SORCS1: variants seen among roughly 807,000 people sequenced by gnomAD.
The protein encoded by SORCS1 is sortilin related VPS10 domain containing receptor 1.
A neutral mutation model predicts 146.1 loss-of-function variants in SORCS1; 60 were observed. The observed-to-expected ratio is 0.41, with a 90% CI of 0.33 to 0.51. SORCS1 has a LOEUF of 0.51. Among genes scored for constraint, SORCS1 ranks in the 20% least tolerant of loss-of-function variants. SORCS1 has a pLI of 0.21. For synonymous variants in SORCS1, 637 were observed against 584.0 expected (o/e 1.09, Z -1.31); for missense variants, 1,352 against 1,487.6 (o/e 0.91, Z 1.50).
At chr10:107,064,367 A>G (rs562451531) in intron 1 of SORCS1, among the ~76,000 whole-genome samples, 1 of 152,274 alleles carries the variant, frequency 6.6e-6, no homozygotes, top group Non-Finnish European at 1.5e-5. Flanking sequence ...CAACAACCTG[A>G]CACTCAAAGA....
intron 1 of SORCS1, among the ~76,000 whole-genome samples, chr10:107,045,521 G>C (rs947417019): frequency 8.5e-5 from 13 of 152,130 alleles, no homozygotes; most frequent in African/African-American, 3.1e-4. Flanking sequence ...TGGACAACTT[G>C]GGCCCAGCCA....
intron 1 of SORCS1, among the ~76,000 whole-genome samples, chr10:107,093,874 T>C (rs903596503): frequency 5.3e-5 from 8 of 152,136 alleles, no homozygotes; most frequent in African/African-American, 9.7e-5. Context: ...TGTAACTTTA[T>C]CTTCTTGCTC....
At chr10:106,808,531 G>C (rs1199939918) in intron 3 of SORCS1, among the ~76,000 whole-genome samples, 1 of 151,874 alleles carries the variant, frequency 6.6e-6, no homozygotes, top group Non-Finnish European at 1.5e-5. Flanking sequence ...GAGGCGGAGT[G>C]TCGCTCTGTC....
At chr10:106,878,816 T>C (rs1950703660) in intron 2 of SORCS1, among the ~76,000 whole-genome samples, 1 of 151,096 alleles carries the variant, frequency 6.6e-6, no homozygotes, top group South Asian at 2.1e-4. Context: ...GTTTACAGAA[T>C]GTGACTCCCA....
At chr10:106,700,128 A>C (rs1218647271) in intron 8 of SORCS1, among the ~76,000 whole-genome samples, 1 of 152,232 alleles carries the variant, frequency 6.6e-6, no homozygotes, top group Non-Finnish European at 1.5e-5. Flanking sequence ...GAAAAAGGGT[A>C]AAAGATAGCC....
chr10:107,068,552 G>A (rs1962124279), intron 1 of SORCS1, among the ~76,000 whole-genome samples: 1 of 152,138 alleles, frequency 6.6e-6, no homozygotes, highest in South Asian at 2.1e-4. Context: ...AACTTCAAGA[G>A]CTATAATCTA....
At chr10:107,064,441 G>A (rs56306712) in intron 1 of SORCS1, among the ~76,000 whole-genome samples, 4,635 of 152,238 alleles carry the variant, frequency 0.03, 89 homozygotes, top group Middle Eastern at 0.061. Flanking sequence ...CACAGTTCCC[G>A]CTATTCCCAA....
At chr10:107,021,802 C>T (rs2133873976) in intron 1 of SORCS1, among the ~76,000 whole-genome samples, 1 of 152,220 alleles carries the variant, frequency 6.6e-6, no homozygotes, top group South Asian at 2.1e-4. Context: ...TACATGGCTT[C>T]CTGAAGTTCC....
At chr10:106,831,239 T>A (rs2137024065) in intron 2 of SORCS1, among the ~76,000 whole-genome samples, 1 of 152,118 alleles carries the variant, frequency 6.6e-6, no homozygotes, top group Non-Finnish European at 1.5e-5. Flanking sequence ...GACATAGACA[T>A]AAAATGATAT....
At chr10:107,063,289 A>C (rs1961411094) in intron 1 of SORCS1, among the ~76,000 whole-genome samples, 1 of 152,184 alleles carries the variant, frequency 6.6e-6, no homozygotes, top group South Asian at 2.1e-4. Context: ...GTTTTCTAAA[A>C]TAGGTAGTCA....
chr10:106,686,378 C>T (rs772447112), intron 10 of SORCS1, among the ~76,000 whole-genome samples: 22 of 152,170 alleles, frequency 1.4e-4, no homozygotes, highest in Non-Finnish European at 2.6e-4. Flanking sequence ...ATTTATGATG[C>T]CAGAGTCCCC....
At chr10:107,075,927 C>G (rs1267159218) in intron 1 of SORCS1, among the ~76,000 whole-genome samples, 1 of 151,988 alleles carries the variant, frequency 6.6e-6, no homozygotes, top group Non-Finnish European at 1.5e-5. Context: ...CCAGCCATAT[C>G]AGCTGACTTT....
At chr10:107,038,701 G>A (rs1004918391) in intron 1 of SORCS1, among the ~76,000 whole-genome samples, 7 of 19,414 alleles carry the variant, frequency 3.6e-4, no homozygotes, top group East Asian at 7.9e-4. Flanking sequence ...GGGGGCGGGG[G>A]GGGAGGTGGT....
At chr10:106,619,160 A>G (rs1266767319) in intron 20 of SORCS1, among the ~76,000 whole-genome samples, 1 of 152,182 alleles carries the variant, frequency 6.6e-6, no homozygotes, top group African/African-American at 2.4e-5. Flanking sequence ...AAAAAACAAT[A>G]GGGGGTACAA....
rs1564838013 is a variant in SORCS1, at chr10:106,944,871, C to CTTTTTTTTTTTTTTTTTTTT, written c.626+11641_626+11642insAAAAAAAAAAAAAAAAAAAA. On this transcript the variant is annotated intron_variant, in intron 2 of 25. Coordinates refer to ENST00000263054, the MANE Select transcript of SORCS1 (RefSeq NM_052918.5). ...ATGGTAGAAAGAAGCAAGAAAGAGC[C>CTTTTTTTTTTTTTTTTTTTT]TTCTTTTTTTTTTTTTTTTTTTTTT... is the stretch of plus-strand genomic sequence containing the variant. Among the ~76,000 whole-genome samples, 14 of 61,022 alleles carry CTTTTTTTTTTTTTTTTTTTT rather than the reference C, an allele frequency of 2.3e-4. 1 individual carries two copies. Among genetic ancestry groups the CTTTTTTTTTTTTTTTTTTTT allele is most frequent in the South Asian group, 5.8e-4 (1 of 1,732 alleles). 40.0% of individuals were successfully genotyped at this position (61,022 alleles called of 152,430 possible).
At chr10:106,707,601 G>A (rs1466367880) in intron 7 of SORCS1, among the ~76,000 whole-genome samples, 1 of 152,144 alleles carries the variant, frequency 6.6e-6, no homozygotes, top group Non-Finnish European at 1.5e-5. Flanking sequence ...CTGGGCTCAA[G>A]TGATCCTCCC....
rs974927605 is a variant in SORCS1 at position 107,078,094 on chromosome 10, T to C, written c.558+85875A>G. On this transcript the variant is annotated intron_variant, in intron 1 of 25. Coordinates refer to ENST00000263054, the MANE Select transcript of SORCS1 (RefSeq NM_052918.5). ...TTAGAAAATTTTAAGGAACACTAAA[T>C]ATTAGTTTCAAAGTGTCCTTCCAAT... Among the ~76,000 whole-genome samples, 4 of 152,310 alleles carry C rather than the reference T, an allele frequency of 2.6e-5. No homozygotes were observed. The South Asian group carries it at 6.2e-4, about 24-fold the overall frequency.
intron 1 of SORCS1, among the ~76,000 whole-genome samples, chr10:107,039,763 C>T (rs1959078435): frequency 6.6e-6 from 1 of 152,142 alleles, no homozygotes; most frequent in Non-Finnish European, 1.5e-5. Context: ...ACCACAATAA[C>T]CGAAGGTTAA....
chr10:107,056,437 C>T (rs139726491), intron 1 of SORCS1, among the ~76,000 whole-genome samples: 2,654 of 152,296 alleles, frequency 0.017, 52 homozygotes, highest in Admixed American at 0.033. Context: ...CCTTCTCTTG[C>T]CACTGAGCTT....
Sources: allele counts gnomAD v4.1 joint callset (sites outside exome capture counted in the v4.1 genomes callset), GRCh38; gene constraint gnomAD v4.1.1; transcripts MANE v1.5; gene names NCBI Gene and HGNC (gene_info 2026-07-23, HGNC 2026-07-21).